MCCC2: variants seen among roughly 807,000 people sequenced by gnomAD.
MCCC2 encodes methylcrotonoyl-CoA carboxylase beta chain, mitochondrial.
Under a neutral mutation model 77.2 loss-of-function variants are expected in MCCC2, and 52 were observed. The ratio of observed to expected loss-of-function variants is 0.67; its 90% confidence interval spans 0.54 to 0.85. The LOEUF (loss-of-function observed/expected upper bound fraction) is 0.85. Ranked by LOEUF, MCCC2 falls within the 40% of genes least tolerant of loss-of-function variation. The probability of loss-of-function intolerance (pLI) is 0.00; values close to 1 mark genes in which losing one functional copy is unlikely to be tolerated. For synonymous variants in MCCC2, 253 were observed against 248.4 expected (o/e 1.02, Z -0.18); for missense variants, 682 against 703.2 (o/e 0.97, Z 0.34).
intron 16 of MCCC2, among the ~76,000 whole-genome samples, chr5:71,655,406 C>G (rs6453080): frequency 0.79 from 119,717 of 152,168 alleles, 48,890 homozygotes; most frequent in East Asian, 0.98. Context: ...CAATTTGCTT[C>G]TGCTCAGTTG....
chr5:71,616,717 C>A (rs1400865259), intron 6 of MCCC2, among the ~76,000 whole-genome samples: 1 of 152,152 alleles, frequency 6.6e-6, no homozygotes, highest in Non-Finnish European at 1.5e-5. Flanking sequence ...CTGCATTTTC[C>A]CTTACTTAAT....
At chr5:71,635,302 G>A (rs758144166) in intron 10 of MCCC2, 56 bp downstream of exon 10, 4 of 1,460,628 alleles carry the variant, frequency 2.7e-6, no homozygotes, top group Middle Eastern at 1.7e-4. Context: ...CTTTGTATGT[G>A]TATCTATTTG....
rs771274447 is a variant in MCCC2, at chr5:71,626,623, G to A, written c.625-17G>A. Reference sequence around the variant, plus strand: ...ATGAGCTGCATCTCATGTGTTTGTCGTGTGCTTGGATTCCAGATCGCAGTG... The same window carrying A: ...ATGAGCTGCATCTCATGTGTTTGTCATGTGCTTGGATTCCAGATCGCAGTG... On this transcript the variant is annotated splice_polypyrimidine_tract_variant and intron_variant, in intron 6 of 16. Transcript: ENST00000340941. 27 of 1,598,796 alleles carry A rather than the reference G, an allele frequency of 1.7e-5. No homozygotes were observed. Among genetic ancestry groups the A allele is most frequent in the Middle Eastern group, 1.7e-4 (1 of 6,036 alleles).
intron 14 of MCCC2, 43 bp downstream of exon 14, chr5:71,649,296 A>G (rs771982365): frequency 6.4e-7 from 1 of 1,552,516 alleles, no homozygotes; most frequent in Non-Finnish European, 8.9e-7. Context: ...ACATGCTTCA[A>G]GTATAAAATA....
chr5:71,615,499 T>C (rs1746130882), intron 6 of MCCC2, among the ~76,000 whole-genome samples: 1 of 152,204 alleles, frequency 6.6e-6, no homozygotes, highest in Non-Finnish European at 1.5e-5. Context: ...ACCTGTCATC[T>C]CCCTGATCTT....
intron 13 of MCCC2, among the ~76,000 whole-genome samples, chr5:71,647,506 A>G (rs1243664215): frequency 1.3e-5 from 2 of 152,202 alleles, no homozygotes; most frequent in African/African-American, 4.8e-5. Context: ...CAGGCAGTTA[A>G]AACTCTGTGG....
At position 71,633,127 on chromosome 5, in the gene MCCC2, A is replaced by AT. The variant is rs1440841730; in HGVS notation, c.803+943dup. Reference sequence around the variant, plus strand: ...TATATATATATATATATATATATATATATATTTTTATTTTTTGTAGAAACA... The same window carrying AT: ...TATATATATATATATATATATATATATTATATTTTTATTTTTTGTAGAAACA... On this transcript the variant is annotated intron_variant, in intron 8 of 16. Coordinates refer to ENST00000340941, the MANE Select transcript of MCCC2 (RefSeq NM_022132.5). Among the ~76,000 whole-genome samples the AT allele has an allele frequency of 2.0e-4, 13 of 63,790 alleles. No individual in the cohort carries two copies. The South Asian group carries it at 6.5e-3, about 32-fold the overall frequency. 41.8% of individuals were successfully genotyped at this position (63,790 alleles called of 152,430 possible).
chr5:71,603,611 C>T (rs1004798725), intron 5 of MCCC2, among the ~76,000 whole-genome samples: 6 of 152,068 alleles, frequency 3.9e-5, no homozygotes, highest in Admixed American at 3.3e-4. Flanking sequence ...GTAGAGAAAA[C>T]AGCAAATGAG....
chr5:71,639,729 T>A (rs1280392518), intron 10 of MCCC2, among the ~76,000 whole-genome samples: 1 of 152,244 alleles, frequency 6.6e-6, no homozygotes, highest in African/African-American at 2.4e-5. Context: ...AGCAGCCGTA[T>A]CTCTGTGTGG....
intron 14 of MCCC2, 87 bp from the exon 15 acceptor site, chr5:71,649,982 C>A: frequency 1.0e-6 from 1 of 964,802 alleles, no homozygotes; most frequent in Non-Finnish European, 1.7e-6. Flanking sequence ...GAATCAGGAA[C>A]CACTAATTTA....
chr5:71,588,469 ATTGT>A (rs1044305641), intron 1 of MCCC2, among the ~76,000 whole-genome samples: 2 of 152,178 alleles, frequency 1.3e-5, no homozygotes, highest in Admixed American at 1.3e-4. Context: ...ACAACACACA[ATTGT>A]TTGTCAGTCC....
chr5:71,594,604 A>G (rs1745103396), intron 2 of MCCC2, among the ~76,000 whole-genome samples: 1 of 148,166 alleles, frequency 6.7e-6, no homozygotes. Flanking sequence ...CCTGCTGGGG[A>G]TGGTGGATGC....
intron 4 of MCCC2, among the ~76,000 whole-genome samples, chr5:71,601,583 C>G (rs1745435498): frequency 6.6e-6 from 1 of 152,116 alleles, no homozygotes; most frequent in Non-Finnish European, 1.5e-5. Flanking sequence ...CCCTGCTGGC[C>G]ACATATCCTA....
chr5:71,597,216 AT>A (rs1200598420), intron 3 of MCCC2, among the ~76,000 whole-genome samples: 1 of 152,028 alleles, frequency 6.6e-6, no homozygotes, highest in African/African-American at 2.4e-5. Flanking sequence ...GTGCCAGGTA[AT>A]GCTGGTATGC....
intron 1 of MCCC2, among the ~76,000 whole-genome samples, chr5:71,592,603 A>G (rs548518790): frequency 6.6e-6 from 1 of 152,300 alleles, no homozygotes; most frequent in Non-Finnish European, 1.5e-5. Context: ...GTGTTTAAGG[A>G]AGAAAGATGT....
rs942048122 is a variant in MCCC2 at position 71,587,380 on chromosome 5, G to C, written c.-46G>C. 14 of 1,526,702 alleles carry C rather than the reference G, an allele frequency of 9.2e-6. No individual in the cohort carries two copies. Among genetic ancestry groups the C allele is most frequent in the Non-Finnish European group, 1.1e-5 (13 of 1,142,748 alleles). The allele number at this position is 1,526,702 out of a possible 1,614,324, so 94.6% of individuals were successfully genotyped here. On this transcript the variant is annotated 5_prime_UTR_variant, in exon 1 of 17. Transcript: ENST00000340941. ...CAGGGAAGCGGCAGGGGAAAGCACC[G>C]GCTCCAGGCCAGCGTGGGCCGCTCT... is the stretch of plus-strand genomic sequence containing the variant.
At chr5:71,633,824 G>A (rs1231697533) in intron 8 of MCCC2, among the ~76,000 whole-genome samples, 1 of 152,150 alleles carries the variant, frequency 6.6e-6, no homozygotes, top group Non-Finnish European at 1.5e-5. Context: ...TTATAAGTCA[G>A]CATTTATAAC....
intron 3 of MCCC2, 76 bp from the exon 4 acceptor site, chr5:71,599,577 TCTTTTC>T (rs1280071304): frequency 2.7e-6 from 3 of 1,103,040 alleles, no homozygotes; most frequent in African/African-American, 1.5e-5. Context: ...TGAGGAAAAA[TCTTTTC>T]CTTTTCCATG....
intron 6 of MCCC2, among the ~76,000 whole-genome samples, chr5:71,622,949 C>T (rs1047170685): frequency 6.6e-6 from 1 of 152,152 alleles, no homozygotes; most frequent in Non-Finnish European, 1.5e-5. Flanking sequence ...TCCTGGTTTT[C>T]CTTCGCTCTC....
Sources: allele counts gnomAD v4.1 joint callset (sites outside exome capture counted in the v4.1 genomes callset), GRCh38; gene constraint gnomAD v4.1.1; transcripts MANE v1.5; gene names NCBI Gene and HGNC (gene_info 2026-07-23, HGNC 2026-07-21).